Variants in ATXN1 observed in about 807,000 individuals in gnomAD.
ATXN1 encodes ataxin-1.
A neutral mutation model predicts 56.4 loss-of-function variants in ATXN1; 8 were observed. That is an observed-to-expected ratio of 0.14 (90% CI 0.08 to 0.26). The LOEUF (loss-of-function observed/expected upper bound fraction) is 0.26. Ranked by LOEUF, ATXN1 falls within the 10% of genes least tolerant of loss-of-function variation. ATXN1 has a pLI of 1.00. For synonymous variants in ATXN1, 514 were observed against 494.6 expected (o/e 1.04, Z -0.52); for missense variants, 987 against 1,106.5 (o/e 0.89, Z 1.53).
At position 16,589,863 on chromosome 6, in the gene ATXN1, A is replaced by G. The variant is rs559395057; in HGVS notation, c.-488-3956T>C. 9.8e-5 allele frequency among the ~76,000 whole-genome samples: 15 copies of G among 152,360 alleles called. No homozygotes were observed. In the East Asian group the frequency reaches 2.9e-3, roughly 29 times the overall value. The stretch of plus-strand genomic sequence containing the variant: ...AAATGCCTAGAAAGGAGCTCAGAAA[A>G]TTAAGGATAAAGAAGAGTCTTATCC... On this transcript the variant is annotated intron_variant, in intron 3 of 7. Transcript: ENST00000436367.
intron 1 of ATXN1, chr6:16,753,898 T>TTA (rs1554130988): frequency 6.6e-6 from 1 of 151,690 alleles, no homozygotes; most frequent in Admixed American, 6.6e-5. Context: ...TCCACTAAAC[T>TTA]TTATTTAAAT....
chr6:16,532,062 T>C (rs1381879368), intron 4 of ATXN1, among the ~76,000 whole-genome samples: 3 of 152,188 alleles, frequency 2.0e-5, no homozygotes, highest in Non-Finnish European at 4.4e-5. Flanking sequence ...AAGCAGCAAT[T>C]GAAGATACTC....
At chr6:16,307,958 A>G (rs1380069095) in intron 7 of ATXN1, among the ~76,000 whole-genome samples, 3 of 152,204 alleles carry the variant, frequency 2.0e-5, no homozygotes, top group Non-Finnish European at 2.9e-5. Flanking sequence ...GTTTGAGACC[A>G]GCCTGGCTAC....
intron 6 of ATXN1, among the ~76,000 whole-genome samples, chr6:16,400,350 C>A (rs1308155881): frequency 6.6e-6 from 1 of 152,132 alleles, no homozygotes; most frequent in Non-Finnish European, 1.5e-5. Context: ...GAGAGCTCAA[C>A]CTCCCAAGCC....
chr6:16,699,215 A>C (rs1759231565), intron 2 of ATXN1, among the ~76,000 whole-genome samples: 1 of 152,324 alleles, frequency 6.6e-6, no homozygotes, highest in Middle Eastern at 3.4e-3. Flanking sequence ...AAAACCTACA[A>C]AAACAGCTCC....
At chr6:16,527,004 T>C (rs895827902) in intron 4 of ATXN1, among the ~76,000 whole-genome samples, 1 of 150,312 alleles carries the variant, frequency 6.7e-6, no homozygotes, top group African/African-American at 2.4e-5. Flanking sequence ...TAAATCACTA[T>C]TTGAAGGTGA....
chr6:16,658,440 C>A (rs1168479433), intron 2 of ATXN1, among the ~76,000 whole-genome samples: 1 of 106,762 alleles, frequency 9.4e-6, no homozygotes, highest in Non-Finnish European at 1.8e-5. Context: ...GCATGGGTTT[C>A]CCTTGTGTGA....
At chr6:16,310,893 C>T (rs1247171657) in intron 7 of ATXN1, among the ~76,000 whole-genome samples, 1 of 152,192 alleles carries the variant, frequency 6.6e-6, no homozygotes, top group African/African-American at 2.4e-5. Context: ...TGCTTTTCTA[C>T]TTCATCTTCT....
intron 6 of ATXN1, among the ~76,000 whole-genome samples, chr6:16,334,483 T>C (rs1761068997): frequency 6.6e-6 from 1 of 152,144 alleles, no homozygotes; most frequent in Non-Finnish European, 1.5e-5. Flanking sequence ...CTCACACCTG[T>C]AATCCCAGCA....
At chr6:16,355,382 A>T (rs1323541839) in intron 6 of ATXN1, among the ~76,000 whole-genome samples, 1 of 152,218 alleles carries the variant, frequency 6.6e-6, no homozygotes, top group African/African-American at 2.4e-5. Context: ...ACCTACTTTT[A>T]GTGACAGGTG....
chr6:16,478,218 C>T (rs1217489489), intron 6 of ATXN1, among the ~76,000 whole-genome samples: 1 of 152,190 alleles, frequency 6.6e-6, no homozygotes, highest in Non-Finnish European at 1.5e-5. Flanking sequence ...ACTACCCTTT[C>T]ATCTACATTT....
intron 6 of ATXN1, among the ~76,000 whole-genome samples, chr6:16,394,458 G>A (rs866146339): frequency 6.6e-6 from 1 of 151,804 alleles, no homozygotes; most frequent in Non-Finnish European, 1.5e-5. Context: ...ATATTTATGG[G>A]CTAGAGTATG....
chr6:16,719,924 G>A (rs908730812), intron 2 of ATXN1, among the ~76,000 whole-genome samples: 1 of 152,102 alleles, frequency 6.6e-6, no homozygotes, highest in Non-Finnish European at 1.5e-5. Context: ...GATTTCAGAC[G>A]TCTGCCCTCC....
rs11285936 is a variant in ATXN1 at position 16,355,560 on chromosome 6, CTT to C, written c.-160-27092_-160-27091del. Among the ~76,000 whole-genome samples the C allele has an allele frequency of 6.9e-4, 102 of 146,782 alleles. 1 individual carries two copies. In the East Asian group the frequency reaches 0.011, roughly 17 times the overall value. ...CTTCCTGCAGGAATACTCACCCACC[CTT>C]TTTTTTTTTTCTTTTTTGAGACGGA... On this transcript the variant is annotated intron_variant, in intron 6 of 7. Coordinates refer to ENST00000436367, the MANE Select transcript of ATXN1 (RefSeq NM_001128164.2).
chr6:16,438,207 T>G (rs1581761899), intron 6 of ATXN1, among the ~76,000 whole-genome samples: 1 of 152,206 alleles, frequency 6.6e-6, no homozygotes, highest in African/African-American at 2.4e-5. Flanking sequence ...GCCTCTCACC[T>G]ACTGGTGTGC....
intron 5 of ATXN1, among the ~76,000 whole-genome samples, chr6:16,493,723 A>G (rs147039850): frequency 1.3e-5 from 2 of 152,306 alleles, no homozygotes; most frequent in East Asian, 3.9e-4. Flanking sequence ...TGAAGACGTT[A>G]TATGTCTTTG....
intron 3 of ATXN1, among the ~76,000 whole-genome samples, chr6:16,657,345 T>C (rs1240875413): frequency 6.6e-6 from 1 of 152,220 alleles, no homozygotes. Context: ...GACTGAAACT[T>C]CATTATGTGG....
chr6:16,391,161 CAAAAA>C (rs35472967), intron 6 of ATXN1, among the ~76,000 whole-genome samples: 1,589 of 56,318 alleles, frequency 0.028, 12 homozygotes, highest in Non-Finnish European at 0.044. Flanking sequence ...GACTCCATCT[CAAAAA>C]AAAAAAAAAA....
At chr6:16,529,922 T>C (rs1054166678) in intron 4 of ATXN1, among the ~76,000 whole-genome samples, 2 of 152,216 alleles carry the variant, frequency 1.3e-5, no homozygotes, top group Non-Finnish European at 2.9e-5. Context: ...ATTCAAAATA[T>C]GCAGAAATGA....
Sources: gnomAD v4.1 joint callset for allele counts (sites outside exome capture counted in the v4.1 genomes callset) on GRCh38, gnomAD v4.1.1 for gene constraint, MANE v1.5 for transcripts, NCBI Gene and HGNC (gene_info 2026-07-23, HGNC 2026-07-21) for gene names.